The following HS3ST4 variants were observed in gnomAD, a reference collection of about 807,000 sequenced individuals.
HS3ST4 encodes the protein heparan sulfate-glucosamine 3-sulfotransferase 4, also known as heparan sulfate glucosamine 3-O-sulfotransferase 4.
In HS3ST4, 17 loss-of-function variants were observed where a neutral mutation model predicts 29.2. The ratio of observed to expected loss-of-function variants is 0.58; its 90% CI spans 0.40 to 0.87. The LOEUF is 0.87. Among genes scored for constraint, HS3ST4 ranks in the 40% least tolerant of loss-of-function variants. The pLI is 0.00. For missense variants in HS3ST4, 627 were observed against 634.5 expected (o/e 0.99, Z 0.13); for synonymous variants, 314 against 285.7 (o/e 1.10, Z -1.00).
intron 1 of HS3ST4, among the ~76,000 whole-genome samples, chr16:26,125,639 C>G (rs1237101841): frequency 6.6e-6 from 1 of 152,182 alleles, no homozygotes; most frequent in African/African-American, 2.4e-5. Context: ...GGCAGTCAAG[C>G]CTTCATATCC....
intron 1 of HS3ST4, among the ~76,000 whole-genome samples, chr16:25,914,397 T>C (rs912077123): frequency 2.0e-5 from 3 of 151,516 alleles, no homozygotes; most frequent in African/African-American, 7.3e-5. Flanking sequence ...AGGGAATATG[T>C]GTATGAGGCT....
intron 1 of HS3ST4, among the ~76,000 whole-genome samples, chr16:26,111,420 T>C (rs1745803644): frequency 6.6e-6 from 1 of 151,958 alleles, no homozygotes; most frequent in Admixed American, 6.6e-5. Flanking sequence ...TCATTTTTTA[T>C]TTTTTTCTAT....
intron 1 of HS3ST4, among the ~76,000 whole-genome samples, chr16:25,812,824 C>G (rs1460922477): frequency 6.6e-6 from 1 of 152,066 alleles, no homozygotes; most frequent in East Asian, 1.9e-4. Context: ...ACCTCTGTCT[C>G]TCGAGTAGCT....
intron 1 of HS3ST4, among the ~76,000 whole-genome samples, chr16:25,765,439 T>G (rs1054285610): frequency 9.2e-5 from 14 of 152,162 alleles, no homozygotes; most frequent in African/African-American, 3.4e-4. Flanking sequence ...AGAATGGGTT[T>G]AGAGCTGGGA....
chr16:25,753,178 G>T (rs1966732827), intron 1 of HS3ST4, among the ~76,000 whole-genome samples: 1 of 152,178 alleles, frequency 6.6e-6, no homozygotes, highest in South Asian at 2.1e-4. Flanking sequence ...ACTAGGTATG[G>T]ATGACACCCT....
intron 1 of HS3ST4, among the ~76,000 whole-genome samples, chr16:26,082,690 G>A (rs564013501): frequency 3.9e-5 from 6 of 152,272 alleles, no homozygotes; most frequent in African/African-American, 1.4e-4. Flanking sequence ...GCTGATACCT[G>A]ATTTTCCATT....
At chr16:25,715,689 G>A (rs555714565) in intron 1 of HS3ST4, among the ~76,000 whole-genome samples, 8 of 152,324 alleles carry the variant, frequency 5.3e-5, no homozygotes, top group South Asian at 4.1e-4. Context: ...GAATTGGAGC[G>A]GAGTGACAGG....
chr16:26,015,260 C>G (rs1567294055), intron 1 of HS3ST4, among the ~76,000 whole-genome samples: 1 of 152,154 alleles, frequency 6.6e-6, no homozygotes, highest in Non-Finnish European at 1.5e-5. Flanking sequence ...TTGCAAAACT[C>G]AGGAAAGAGT....
At chr16:25,934,383 C>A (rs1418643530) in intron 1 of HS3ST4, among the ~76,000 whole-genome samples, 1 of 152,180 alleles carries the variant, frequency 6.6e-6, no homozygotes, top group African/African-American at 2.4e-5. Flanking sequence ...CATTACACTT[C>A]TTTGTGGTTC....
At chr16:26,041,967 G>A (rs1969639799) in intron 1 of HS3ST4, among the ~76,000 whole-genome samples, 1 of 152,178 alleles carries the variant, frequency 6.6e-6, no homozygotes, top group South Asian at 2.1e-4. Context: ...TATAATGCAG[G>A]TCATTAAGAT....
chr16:25,876,447 C>A (rs1443542001), intron 1 of HS3ST4, among the ~76,000 whole-genome samples: 3 of 152,092 alleles, frequency 2.0e-5, no homozygotes, highest in African/African-American at 7.2e-5. Context: ...TTGTTCTTGG[C>A]TGTTTCAAGT....
At chr16:25,872,547 G>A (rs1406018189) in intron 1 of HS3ST4, among the ~76,000 whole-genome samples, 5 of 152,154 alleles carry the variant, frequency 3.3e-5, no homozygotes, top group African/African-American at 1.2e-4. Context: ...GAGGTAGTAA[G>A]CAGAGCTCGC....
intron 1 of HS3ST4, among the ~76,000 whole-genome samples, chr16:25,961,751 CA>C (rs1567282118): frequency 6.6e-6 from 1 of 151,992 alleles, no homozygotes; most frequent in African/African-American, 2.4e-5. Context: ...AATTGATGCA[CA>C]GGTAGATTGT....
intron 1 of HS3ST4, among the ~76,000 whole-genome samples, chr16:25,952,227 G>T (rs891463090): frequency 2.0e-5 from 3 of 152,164 alleles, no homozygotes; most frequent in Admixed American, 2.0e-4. Flanking sequence ...AGTTTTCCAG[G>T]CTTGGTCCAA....
chr16:25,958,139 A>AT (rs1253634247), intron 1 of HS3ST4, among the ~76,000 whole-genome samples: 2 of 152,188 alleles, frequency 1.3e-5, no homozygotes, highest in Admixed American at 1.3e-4. Flanking sequence ...TGGGACTCGC[A>AT]TTAGGAAGAG....
chr16:25,884,388 C>T (rs1967927997), intron 1 of HS3ST4, among the ~76,000 whole-genome samples: 1 of 152,198 alleles, frequency 6.6e-6, no homozygotes, highest in African/African-American at 2.4e-5. Context: ...GGCTGTCCAC[C>T]CACAGCATGC....
chr16:26,106,488 A>G, intron 1 of HS3ST4, among the ~76,000 whole-genome samples: 1 of 152,232 alleles, frequency 6.6e-6, no homozygotes, highest in East Asian at 1.9e-4. Flanking sequence ...AGGAAAAGCC[A>G]AGAGGAGCAT....
At chr16:26,022,442 A>G (rs1201586959) in intron 1 of HS3ST4, among the ~76,000 whole-genome samples, 2 of 152,186 alleles carry the variant, frequency 1.3e-5, no homozygotes, top group African/African-American at 2.4e-5. Flanking sequence ...TCATAATCCC[A>G]TGCTCTAAAT....
chr16:25,852,265 C>T (rs117954175), intron 1 of HS3ST4, among the ~76,000 whole-genome samples: 2,821 of 152,244 alleles, frequency 0.019, 46 homozygotes, highest in South Asian at 0.029. Context: ...TTAAGTGCTT[C>T]TGAAAGTCTG....
Sources: gnomAD v4.1 joint callset for allele counts (sites outside exome capture counted in the v4.1 genomes callset) on GRCh38, gnomAD v4.1.1 for gene constraint, MANE v1.5 for transcripts, NCBI Gene and HGNC (gene_info 2026-07-23, HGNC 2026-07-21) for gene names.